ECSIT: variants seen among roughly 807,000 people sequenced by gnomAD.
ECSIT encodes ECSIT signaling integrator.
Under a neutral mutation model 36.8 loss-of-function variants are expected in ECSIT, and 29 were observed. The observed-to-expected ratio is 0.79, with a 90% CI of 0.59 to 1.08. The LOEUF (loss-of-function observed/expected upper bound fraction) is 1.08, where lower values mean the gene tolerates loss of function less well. Ranked by LOEUF, ECSIT falls within the 50% of genes least tolerant of loss-of-function variation. ECSIT has a pLI of 0.00. For synonymous variants in ECSIT, 231 were observed against 234.8 expected (o/e 0.98, Z 0.15); for missense variants, 542 against 581.0 (o/e 0.93, Z 0.69).
intron 4 of ECSIT, among the ~76,000 whole-genome samples, chr19:11,509,189 C>T (rs1971820301): frequency 6.6e-6 from 1 of 151,394 alleles, no homozygotes; most frequent in African/African-American, 2.4e-5. Context: ...TCTGCTGCCT[C>T]AGCCTCCCGA....
chr19:11,526,710 C>G (rs1006733802), intron 1 of ECSIT, among the ~76,000 whole-genome samples: 22 of 150,488 alleles, frequency 1.5e-4, no homozygotes, highest in African/African-American at 5.2e-4. Context: ...CCACTATGGC[C>G]AGAGGGAGCT....
Position 11,513,828 on chromosome 19 carries a change from C to T in ECSIT, c.490G>A (p.Val164Ile). 6.2e-7 allele frequency: 1 copy of T among 1,614,124 alleles called. No individual in the cohort carries two copies. Residue 164 changes from valine to isoleucine, a missense_variant, in exon 3 of 8, where the codon GTC becomes ATC. By Grantham distance (29) the Val-to-Ile change is conservative. Coordinates refer to ENST00000270517, the MANE Select transcript of ECSIT (RefSeq NM_016581.5). ...CCGTGGTTCTCCATCTGCTCCAGGA[C>T]AGCAATCCCACACTCCTGCTGCCGA... The part of the protein sequence containing the change: ...YPRQQECGIA[V>I]LEQMENHGVM...
At chr19:11,511,971 G>A (rs1225926197) in intron 4 of ECSIT, among the ~76,000 whole-genome samples, 4 of 151,560 alleles carry the variant, frequency 2.6e-5, no homozygotes, top group Admixed American at 1.3e-4. Flanking sequence ...AGTCAGAGTT[G>A]CAGTGAGCTG....
intron 6 of ECSIT, 23 bp downstream of exon 6, chr19:11,507,679 C>T (rs1252158344): frequency 1.2e-6 from 2 of 1,613,968 alleles, no homozygotes; most frequent in East Asian, 4.5e-5. Context: ...AGCCCCAACA[C>T]ATGCTTTGCT....
rs1971930227 is a variant in ECSIT at position 11,513,924 on chromosome 19, G to T, written c.394C>A (p.Leu132Met). The T allele has an allele frequency of 6.2e-7, 1 of 1,614,112 alleles. No individual in the cohort carries two copies. The highest frequency in any genetic ancestry group is 1.7e-5 in the Admixed American group (1 of 59,992). The change falls in exon 3 of 8, where the codon CTG becomes ATG. Residue 132 changes from leucine (L) to methionine (M), a missense_variant. Leu to Met is a conservative substitution (Grantham distance 15). Coordinates refer to ENST00000270517, the MANE Select transcript of ECSIT (RefSeq NM_016581.5). ...VERDLAVYNQ[L>M]LNIFPKEVFR... The stretch of plus-strand genomic sequence containing the variant: ...ACCTCCTTGGGGAAGATGTTGAGCA[G>T]CTGGTTGTACACAGCCAGGTCCCGC...
intron 4 of ECSIT, among the ~76,000 whole-genome samples, chr19:11,509,580 C>A (rs1414972250): frequency 6.6e-6 from 1 of 150,924 alleles, no homozygotes; most frequent in Non-Finnish European, 1.5e-5. Context: ...CCAGCCTGGC[C>A]AACATGGTGA....
chr19:11,512,862 G>A (rs1318628684), intron 4 of ECSIT, among the ~76,000 whole-genome samples, 194 bp downstream of exon 4: 2 of 152,050 alleles, frequency 1.3e-5, no homozygotes, highest in African/African-American at 2.4e-5. Context: ...AAGATCGCTT[G>A]AGCCTGGGAG....
Position 11,506,404 on chromosome 19 carries a change from A to C in ECSIT, c.1076T>G (p.Met359Arg). 1.9e-6 allele frequency: 3 copies of C among 1,613,016 alleles called. No individual in the cohort carries two copies. Among genetic ancestry groups the C allele is most frequent in the Non-Finnish European group, 2.5e-6 (3 of 1,179,416 alleles). Residue 359 changes from methionine to arginine, a missense_variant, in exon 8 of 8, where the codon ATG becomes AGG. Met to Arg is a moderately conservative substitution (Grantham distance 91). Transcript: ENST00000270517. ...CTGGTCATGAGCACCCGCCATGCAC[A>C]TGGCGAAGACAGGGCCTTCCTCCAC... ...NEVEEGPVFAMCMAGAHDQAT... is the reference protein window; with the variant it reads ...NEVEEGPVFARCMAGAHDQAT...
intron 1 of ECSIT, among the ~76,000 whole-genome samples, chr19:11,523,263 C>T (rs1016586483): frequency 6.6e-6 from 1 of 152,034 alleles, no homozygotes; most frequent in African/African-American, 2.4e-5. Flanking sequence ...AATGTGTTTT[C>T]CTGATTTTCT....
intron 1 of ECSIT, among the ~76,000 whole-genome samples, chr19:11,526,051 G>A (rs149098840): frequency 0.02 from 2,990 of 151,284 alleles, 63 homozygotes; most frequent in Middle Eastern, 0.044. Flanking sequence ...TGCAACCTCC[G>A]TATCCTGGGT....
intron 1 of ECSIT, among the ~76,000 whole-genome samples, chr19:11,528,237 A>G (rs1972255028): frequency 6.6e-6 from 1 of 152,094 alleles, no homozygotes; most frequent in Non-Finnish European, 1.5e-5. Context: ...CCACATTCTA[A>G]AAGCCCTCAT....
Position 11,507,514 on chromosome 19 carries a change from G to A in ECSIT, c.994C>T (p.Leu332=), listed in dbSNP as rs779422347. 3 of 1,614,080 alleles carry A rather than the reference G, an allele frequency of 1.9e-6. No homozygotes were observed. The highest frequency in any genetic ancestry group is 2.5e-6 in the Non-Finnish European group (3 of 1,180,016). The change falls in exon 7 of 8, where the codon CTG becomes TTG. Residue 332 remains leucine (L), a synonymous_variant. Coordinates refer to ENST00000270517, the MANE Select transcript of ECSIT (RefSeq NM_016581.5). ...EEWNLYYPMQ[L]DLEYVRSGWD... The stretch of plus-strand genomic sequence containing the variant: ...CCACTCCTCACATACTCCAGGTCCA[G>A]CTGCATCGGGTAGTAGAGGTTCCAC...
Position 11,506,013 on chromosome 19 carries a change from T to C in ECSIT, c.*171A>G, listed in dbSNP as rs1599572785. The C allele has an allele frequency of 3.4e-6, 4 of 1,177,902 alleles. No homozygotes were observed. In the East Asian group the frequency reaches 9.5e-5, roughly 28 times the overall value. The allele number at this position is 1,177,902 out of a possible 1,614,324, so 73.0% of individuals were successfully genotyped here. A position where few individuals can be genotyped will look rare whatever the true frequency, so the allele number is the denominator to read the frequency against. Reference sequence around the variant, plus strand: ...CTGCAGATTCTGGAGGGGTCTCGCCTGCCCATCGCTGGCAGCCCGAGATCC... The same window carrying C: ...CTGCAGATTCTGGAGGGGTCTCGCCCGCCCATCGCTGGCAGCCCGAGATCC... On this transcript the variant is annotated 3_prime_UTR_variant, in exon 8 of 8. Coordinates refer to ENST00000270517, the MANE Select transcript of ECSIT (RefSeq NM_016581.5).
chr19:11,505,993 G>T lies in ECSIT; in HGVS notation c.*191C>A. ...ATTCGGAGAACCAGAGGCGCCTGCA[G>T]ATTCTGGAGGGGTCTCGCCTGCCCA... On this transcript the variant is annotated 3_prime_UTR_variant, in exon 8 of 8. Coordinates refer to ENST00000270517, the MANE Select transcript of ECSIT (RefSeq NM_016581.5). 1 of 1,053,852 alleles carries T rather than the reference G, an allele frequency of 9.5e-7. No homozygotes were observed. The highest frequency in any genetic ancestry group is 2.5e-5 in the Admixed American group (1 of 39,966). 65.3% of individuals were successfully genotyped at this position (1,053,852 alleles called of 1,614,324 possible). A position where few individuals can be genotyped will look rare whatever the true frequency, so the allele number is the denominator to read the frequency against.
In ECSIT at chr19:11,506,295, C is replaced by A; in HGVS notation, c.1185G>T (p.Gly395=). 6.2e-7 allele frequency: 1 copy of A among 1,612,884 alleles called. No individual in the cohort carries two copies. The highest frequency in any genetic ancestry group is 8.5e-7 in the Non-Finnish European group (1 of 1,179,844). ...AQIPVVFRLA[G]STRELQTSSA... is the part of the protein sequence containing the mutation. ...AGGATGTCTGGAGCTCCCGGGTGGA[C>A]CCGGCGAGGCGGAAGACCACGGGGA... Residue 395 remains glycine (G), a synonymous_variant, in exon 8 of 8, where the codon GGG becomes GGT. Transcript: ENST00000270517.
chr19:11,513,434 C>T (rs1971914742), intron 3 of ECSIT, 155 bp from the exon 4 acceptor site: 2 of 803,884 alleles, frequency 2.5e-6, no homozygotes, highest in Admixed American at 2.0e-5. Flanking sequence ...CCTGTAATCC[C>T]AGCACATTGG....
chr19:11,527,891 A>G (rs1404247854), intron 1 of ECSIT, among the ~76,000 whole-genome samples: 1 of 151,936 alleles, frequency 6.6e-6, no homozygotes. Context: ...CTACTGGGAA[A>G]GCTGAGGCAG....
chr19:11,524,595 G>C (rs1972174565), intron 1 of ECSIT, among the ~76,000 whole-genome samples: 1 of 151,752 alleles, frequency 6.6e-6, no homozygotes, highest in South Asian at 2.1e-4. Flanking sequence ...ATCCACTTTG[G>C]GAAGTCAGAG....
intron 2 of ECSIT, among the ~76,000 whole-genome samples, chr19:11,514,663 C>T (rs550320766): frequency 3.9e-4 from 60 of 151,944 alleles, no homozygotes; most frequent in African/African-American, 1.2e-3. Context: ...CTGGAACTAC[C>T]GGTGTACACC....
Sources: allele counts gnomAD v4.1 joint callset (sites outside exome capture counted in the v4.1 genomes callset), GRCh38; gene constraint gnomAD v4.1.1; transcripts MANE v1.5; gene names NCBI Gene and HGNC (gene_info 2026-07-23, HGNC 2026-07-21).